PSD3: variants seen among roughly 807,000 people sequenced by gnomAD.
The protein encoded by PSD3 is PH and SEC7 domain-containing protein 3.
Under a neutral mutation model 105.5 loss-of-function variants are expected in PSD3, and 49 were observed. That is an observed-to-expected ratio of 0.46 (90% CI 0.37 to 0.59). The LOEUF is 0.59. PSD3 is among the 20% of genes least tolerant of loss of function. PSD3 has a pLI of 0.00. For synonymous variants in PSD3, 557 were observed against 457.8 expected, an observed-to-expected ratio of 1.22 and a Z score of -2.77; for missense variants, 1,561 against 1,263.8, an observed-to-expected ratio of 1.24 and a Z score of -3.57.
At position 18,879,076 on chromosome 8, in the gene PSD3, A is replaced by G. The variant is rs1563378074; in HGVS notation, c.131-6343T>C. 5.8e-3 allele frequency among the ~76,000 whole-genome samples: 881 copies of G among 150,882 alleles called. 8 individuals are homozygous for G. The highest frequency in any genetic ancestry group is 0.02 in the South Asian group (93 of 4,670). On this transcript the variant is annotated intron_variant, in intron 2 of 15. Coordinates refer to ENST00000327040, the MANE Select transcript of PSD3 (RefSeq NM_015310.4). ...AACACACACACACACACACACACAC[A>G]CACACACACACGCACACACAACTGA... is the stretch of plus-strand genomic sequence containing the variant.
At chr8:18,656,775 A>G (rs1004554416) in intron 9 of PSD3, among the ~76,000 whole-genome samples, 4 of 151,986 alleles carry the variant, frequency 2.6e-5, no homozygotes, top group African/African-American at 7.3e-5. Context: ...GCGACTATTC[A>G]TGACCATGAT....
intron 2 of PSD3, among the ~76,000 whole-genome samples, chr8:18,923,912 G>A (rs2129467662): frequency 6.6e-6 from 1 of 151,840 alleles, no homozygotes; most frequent in South Asian, 2.1e-4. Flanking sequence ...ATATGTGTGT[G>A]TTTTATATAT....
intron 9 of PSD3, among the ~76,000 whole-genome samples, chr8:18,694,093 T>A (rs1801129969): frequency 6.6e-6 from 1 of 152,202 alleles, no homozygotes. Flanking sequence ...CAAGCCAGTG[T>A]TTTGTTTCAG....
chr8:18,658,159 T>C (rs1809039644), intron 9 of PSD3, among the ~76,000 whole-genome samples: 1 of 152,234 alleles, frequency 6.6e-6, no homozygotes, highest in South Asian at 2.1e-4. Context: ...ATTTTTTTTG[T>C]AGCATGCCGA....
intron 2 of PSD3, among the ~76,000 whole-genome samples, chr8:18,890,581 T>C (rs57393047): frequency 0.032 from 4,852 of 152,258 alleles, 289 homozygotes; most frequent in African/African-American, 0.11. Flanking sequence ...AGGGTATACA[T>C]ACGACCCTCC....
At chr8:18,838,717 G>C (rs1814353971) in intron 4 of PSD3, among the ~76,000 whole-genome samples, 1 of 151,436 alleles carries the variant, frequency 6.6e-6, no homozygotes, top group African/African-American at 2.4e-5. Flanking sequence ...CAGGAGAATG[G>C]CGTGAACCCG....
At chr8:18,780,350 T>C (rs1365907775) in intron 8 of PSD3, among the ~76,000 whole-genome samples, 1 of 132 alleles carries the variant, frequency 7.6e-3, no homozygotes, top group African/African-American at 0.024. Flanking sequence ...GTTAAGTCAT[T>C]TTTTTTTTGT....
chr8:19,011,657 T>C (rs1197892176), intron 1 of PSD3, among the ~76,000 whole-genome samples: 1 of 152,192 alleles, frequency 6.6e-6, no homozygotes, highest in Non-Finnish European at 1.5e-5. Flanking sequence ...AAGTGCAATG[T>C]ACATAATAAG....
intron 9 of PSD3, among the ~76,000 whole-genome samples, chr8:18,682,537 A>G (rs1052284725): frequency 2.6e-5 from 4 of 152,192 alleles, no homozygotes; most frequent in Non-Finnish European, 5.9e-5. Context: ...CTCTCTAAAG[A>G]TAAAGCTTTT....
intron 11 of PSD3, among the ~76,000 whole-genome samples, chr8:18,606,433 G>A (rs1432626178): frequency 1.3e-5 from 2 of 152,096 alleles, no homozygotes; most frequent in Admixed American, 1.3e-4. Flanking sequence ...CATTGTTACA[G>A]GCTTATCCAT....
chr8:18,818,472 A>C (rs1378831732), intron 4 of PSD3, among the ~76,000 whole-genome samples: 2 of 152,130 alleles, frequency 1.3e-5, no homozygotes, highest in Non-Finnish European at 2.9e-5. Context: ...CTTTAATGTG[A>C]ATTAGATGTT....
chr8:19,027,502 G>C (rs1395867054), intron 1 of PSD3, among the ~76,000 whole-genome samples: 1 of 152,124 alleles, frequency 6.6e-6, no homozygotes, highest in Non-Finnish European at 1.5e-5. Context: ...AATGAGAGTT[G>C]ACAAATGTAT....
intron 11 of PSD3, among the ~76,000 whole-genome samples, chr8:18,616,578 TAACAGGAAC>T (rs1295557695): frequency 2.6e-5 from 4 of 151,914 alleles, no homozygotes; most frequent in Non-Finnish European, 5.9e-5. Flanking sequence ...TTCATTTACT[TAACAGGAAC>T]ACCTTTGCTA....
chr8:18,816,865 C>G (rs1292131029), intron 4 of PSD3, among the ~76,000 whole-genome samples: 2 of 150,720 alleles, frequency 1.3e-5, no homozygotes, highest in Non-Finnish European at 3.0e-5. Flanking sequence ...CAGTGACATT[C>G]ATAAGTGCCT....
intron 1 of PSD3, among the ~76,000 whole-genome samples, chr8:19,078,641 G>T (rs1829536728): frequency 2.0e-5 from 3 of 151,936 alleles, no homozygotes; most frequent in Non-Finnish European, 4.4e-5. Context: ...ACCCCTGTTA[G>T]CACAATGTGA....
intron 1 of PSD3, among the ~76,000 whole-genome samples, chr8:18,944,971 A>T (rs1446618264): frequency 6.6e-6 from 1 of 152,186 alleles, no homozygotes; most frequent in African/African-American, 2.4e-5. Flanking sequence ...GTTCCTTTCG[A>T]TGAAAAATAT....
intron 2 of PSD3, among the ~76,000 whole-genome samples, chr8:18,909,786 T>C (rs1219662036): frequency 1.3e-5 from 2 of 152,224 alleles, no homozygotes; most frequent in Non-Finnish European, 2.9e-5. Flanking sequence ...GCCAGTCCTG[T>C]AGTTGTTTTT....
At chr8:19,072,455 G>C (rs781275367) in intron 1 of PSD3, among the ~76,000 whole-genome samples, 1 of 152,230 alleles carries the variant, frequency 6.6e-6, no homozygotes, top group Non-Finnish European at 1.5e-5. Flanking sequence ...CTGAACTGCA[G>C]TGGATGATGA....
At chr8:18,949,893 T>C (rs1317687265) in intron 1 of PSD3, among the ~76,000 whole-genome samples, 1 of 152,208 alleles carries the variant, frequency 6.6e-6, no homozygotes, top group Non-Finnish European at 1.5e-5. Context: ...TAAATTTTAA[T>C]TTAAAATGAT....
Sources: allele counts gnomAD v4.1 joint callset (sites outside exome capture counted in the v4.1 genomes callset), GRCh38; gene constraint gnomAD v4.1.1; transcripts MANE v1.5; gene names NCBI Gene and HGNC (gene_info 2026-07-23, HGNC 2026-07-21).